The following GALNT13 variants were observed in gnomAD, a reference collection of about 807,000 sequenced individuals.
GALNT13 encodes the protein polypeptide N-acetylgalactosaminyltransferase 13.
GALNT13 carries 28 observed loss-of-function variants against 64.2 expected under a neutral mutation model. The observed-to-expected ratio is 0.44, with a 90% confidence interval of 0.32 to 0.60. The LOEUF (loss-of-function observed/expected upper bound fraction) is 0.60, where lower values mean the gene tolerates loss of function less well. Among genes scored for constraint, GALNT13 ranks in the 20% least tolerant of loss-of-function variants. The probability of loss-of-function intolerance (pLI) is 0.05; values close to 1 mark genes in which losing one functional copy is unlikely to be tolerated. For missense variants in GALNT13, 577 were observed against 669.8 expected, an observed-to-expected ratio of 0.86 and a Z score of 1.53; for synonymous variants, 214 against 224.6, an observed-to-expected ratio of 0.95 and a Z score of 0.42.
chr2:154,019,014 G>C (rs1697230929), intron 3 of GALNT13, among the ~76,000 whole-genome samples: 1 of 152,138 alleles, frequency 6.6e-6, no homozygotes, highest in Admixed American at 6.6e-5. Flanking sequence ...GTAGTAAAGA[G>C]ATGTATGAAG....
the GALNT13 span, among the ~76,000 whole-genome samples, chr2:153,388,866 C>T: frequency 2.6e-5 from 4 of 152,024 alleles, no homozygotes; most frequent in Non-Finnish European, 5.9e-5. Context: ...CCACTTTTCT[C>T]TACCACTGTT....
chr2:154,287,565 G>C (rs1017835634), intron 8 of GALNT13: 13 of 236,560 alleles, frequency 5.5e-5, no homozygotes, highest in Non-Finnish European at 9.4e-5. Flanking sequence ...TCTTCTGCTT[G>C]TTCTACTTGG....
chr2:154,239,076 T>G (rs2105863621), intron 4 of GALNT13, among the ~76,000 whole-genome samples: 1 of 152,250 alleles, frequency 6.6e-6, no homozygotes, highest in South Asian at 2.1e-4. Flanking sequence ...AGTGGAAGTT[T>G]TCTCTAAGTA....
chr2:153,910,588 A>G (rs893487645), intron 2 of GALNT13, among the ~76,000 whole-genome samples: 2 of 152,030 alleles, frequency 1.3e-5, no homozygotes, highest in African/African-American at 2.4e-5. Context: ...TCAAATTTTC[A>G]TCTTAACACC....
chr2:153,258,633 C>G, the GALNT13 span, among the ~76,000 whole-genome samples: 1 of 151,864 alleles, frequency 6.6e-6, no homozygotes, highest in Admixed American at 6.5e-5. Context: ...CAGTGCATCT[C>G]ATAGGATTTA....
intron 8 of GALNT13, among the ~76,000 whole-genome samples, chr2:154,261,049 T>C (rs1457819606): frequency 6.6e-6 from 1 of 152,048 alleles, no homozygotes; most frequent in Non-Finnish European, 1.5e-5. Flanking sequence ...GAAAGTAGAA[T>C]TCAGAAAGAA....
At chr2:153,369,088 A>G in the GALNT13 span, among the ~76,000 whole-genome samples, 1 of 152,162 alleles carries the variant, frequency 6.6e-6, no homozygotes, top group East Asian at 1.9e-4. Context: ...ATCTAAGAGG[A>G]GCATCTAGGA....
chr2:153,630,801 A>ATTTATT, the GALNT13 span, among the ~76,000 whole-genome samples: 2 of 17,244 alleles, frequency 1.2e-4, no homozygotes, highest in African/African-American at 3.9e-4. Flanking sequence ...ATATATATAT[A>ATTTATT]TATATATTTT....
the GALNT13 span, among the ~76,000 whole-genome samples, chr2:153,137,807 C>T: frequency 3.3e-5 from 5 of 151,782 alleles, no homozygotes; most frequent in African/African-American, 1.2e-4. Context: ...GCACTAAAAG[C>T]CCTGGACTCT....
chr2:153,665,904 C>T, the GALNT13 span, among the ~76,000 whole-genome samples: 68 of 152,252 alleles, frequency 4.5e-4, no homozygotes, highest in African/African-American at 1.4e-3. Flanking sequence ...TTGGTGCAGG[C>T]GTGGCTGCAG....
At chr2:153,630,685 A>C in the GALNT13 span, among the ~76,000 whole-genome samples, 4 of 144,332 alleles carry the variant, frequency 2.8e-5, no homozygotes, top group Non-Finnish European at 6.1e-5. Flanking sequence ...AATTAAAAAA[A>C]ATTAAAAAAA....
At chr2:153,268,419 G>A in the GALNT13 span, among the ~76,000 whole-genome samples, 1 of 152,198 alleles carries the variant, frequency 6.6e-6, no homozygotes, top group Non-Finnish European at 1.5e-5. Flanking sequence ...CATGGCCTTG[G>A]AAAGCTCTGC....
At chr2:153,553,362 G>GGCCTGT in the GALNT13 span, among the ~76,000 whole-genome samples, 1 of 129,520 alleles carries the variant, frequency 7.7e-6, no homozygotes, top group Non-Finnish European at 1.6e-5. Flanking sequence ...TGAGTGTGGT[G>GGCCTGT]GCCTGTGCCT....
At chr2:154,446,230 G>A (rs547553572) in intron 12 of GALNT13, among the ~76,000 whole-genome samples, 90 of 152,152 alleles carry the variant, frequency 5.9e-4, no homozygotes, top group African/African-American at 2.0e-3. Flanking sequence ...ATATCCACTC[G>A]CAAATAACTC....
the GALNT13 span, among the ~76,000 whole-genome samples, chr2:153,733,331 A>G: frequency 6.6e-6 from 1 of 152,152 alleles, no homozygotes; most frequent in Non-Finnish European, 1.5e-5. Flanking sequence ...TACTGAAGTT[A>G]GCCTGCCCTT....
At chr2:154,298,567 T>TAA in intron 8 of GALNT13, among the ~76,000 whole-genome samples, 1 of 75,344 alleles carries the variant, frequency 1.3e-5, no homozygotes, top group Non-Finnish European at 2.5e-5. Flanking sequence ...ATATAATTTA[T>TAA]ATATAAATTG....
intron 9 of GALNT13, among the ~76,000 whole-genome samples, chr2:154,366,674 G>T (rs893621889): frequency 6.6e-6 from 1 of 152,196 alleles, no homozygotes; most frequent in Non-Finnish European, 1.5e-5. Context: ...AAGGTTATAT[G>T]TCAAGGAAGC....
intron 3 of GALNT13, among the ~76,000 whole-genome samples, chr2:154,109,481 A>G (rs1046036067): frequency 4.7e-5 from 7 of 150,534 alleles, no homozygotes; most frequent in African/African-American, 1.7e-4. Context: ...CTCTTATCTT[A>G]TTGCTCTGGC....
At chr2:153,321,200 T>C in the GALNT13 span, among the ~76,000 whole-genome samples, 2 of 152,236 alleles carry the variant, frequency 1.3e-5, no homozygotes, top group African/African-American at 4.8e-5. Context: ...TTTAAAAAAC[T>C]ATTTGTCAAA....
Sources: gnomAD v4.1 joint callset for allele counts (sites outside exome capture counted in the v4.1 genomes callset) on GRCh38, gnomAD v4.1.1 for gene constraint, MANE v1.5 for transcripts, NCBI Gene and HGNC (gene_info 2026-07-23, HGNC 2026-07-21) for gene names.